WWP2: variants seen among roughly 807,000 people sequenced by gnomAD.
The protein encoded by WWP2 is NEDD4-like E3 ubiquitin-protein ligase WWP2.
A neutral mutation model predicts 121.0 loss-of-function variants in WWP2; 57 were observed. The observed-to-expected ratio is 0.47, with a 90% CI of 0.38 to 0.59. The LOEUF (loss-of-function observed/expected upper bound fraction) is 0.59. Ranked by LOEUF, WWP2 falls within the 20% of genes least tolerant of loss-of-function variation. The probability of loss-of-function intolerance (pLI) is 0.00; values close to 1 mark genes in which losing one functional copy is unlikely to be tolerated. For synonymous variants in WWP2, 449 were observed against 441.3 expected (o/e 1.02, Z -0.22); for missense variants, 962 against 1,158.9 (o/e 0.83, Z 2.47).
chr16:69,835,607 T>C (rs150489581), intron 4 of WWP2, among the ~76,000 whole-genome samples: 2 of 152,326 alleles, frequency 1.3e-5, no homozygotes, highest in African/African-American at 4.8e-5. Context: ...GTTTTATCTA[T>C]ATGTTATTAT....
At chr16:69,915,615 T>C (rs2058467949) in intron 9 of WWP2, among the ~76,000 whole-genome samples, 1 of 152,174 alleles carries the variant, frequency 6.6e-6, no homozygotes, top group Non-Finnish European at 1.5e-5. Context: ...TGTACACATA[T>C]ACTAGTAGAA....
At chr16:69,825,165 C>CT (rs1317783724) in intron 4 of WWP2, among the ~76,000 whole-genome samples, 1 of 152,034 alleles carries the variant, frequency 6.6e-6, no homozygotes, top group Non-Finnish European at 1.5e-5. Context: ...TGGCTCACAC[C>CT]TGTAATCCCA....
chr16:69,834,620 G>C (rs985875751), intron 4 of WWP2, among the ~76,000 whole-genome samples: 1 of 149,856 alleles, frequency 6.7e-6, no homozygotes, highest in Non-Finnish European at 1.5e-5. Context: ...TCTGTTTTCC[G>C]GGTTCAAGCG....
At chr16:69,852,048 A>G (rs879758200) in intron 6 of WWP2, among the ~76,000 whole-genome samples, 5 of 152,030 alleles carry the variant, frequency 3.3e-5, no homozygotes, top group Admixed American at 2.6e-4. Flanking sequence ...AAGGAACATG[A>G]TTGCTGGGTC....
chr16:69,794,773 A>G (rs1191155962), intron 2 of WWP2, among the ~76,000 whole-genome samples: 1 of 152,266 alleles, frequency 6.6e-6, no homozygotes, highest in Non-Finnish European at 1.5e-5. Context: ...GGATTATAAA[A>G]GAAAAAAACC....
chr16:69,777,155 A>G (rs912864362), intron 1 of WWP2, among the ~76,000 whole-genome samples: 2 of 151,736 alleles, frequency 1.3e-5, no homozygotes, highest in Non-Finnish European at 2.9e-5. Context: ...ATGTGTATAT[A>G]CAATACACAT....
chr16:69,835,591 A>G (rs907509386), intron 4 of WWP2, among the ~76,000 whole-genome samples: 1 of 152,172 alleles, frequency 6.6e-6, no homozygotes, highest in African/African-American at 2.4e-5. Context: ...TTTTTTTGCC[A>G]AATTTGTTTT....
chr16:69,821,847 C>T (rs753327675), intron 4 of WWP2, among the ~76,000 whole-genome samples: 1 of 151,510 alleles, frequency 6.6e-6, no homozygotes, highest in East Asian at 1.9e-4. Flanking sequence ...CGTGAGCCAC[C>T]ATGCCCGGCT....
Position 69,798,704 on chromosome 16 carries a change from G to A in WWP2, c.93G>A (p.Val31=), listed in dbSNP as rs1368037083. The A allele has an allele frequency of 6.2e-7, 1 of 1,613,998 alleles. No homozygotes were observed. Among genetic ancestry groups the A allele is most frequent in the Non-Finnish European group, 8.5e-7 (1 of 1,179,990 alleles). The change falls in exon 3 of 24, where the codon GTG becomes GTA. Residue 31 remains valine (V), a synonymous_variant. Coordinates refer to ENST00000359154, the MANE Select transcript of WWP2 (RefSeq NM_001270454.2). ...CAGTGGTGTCCGCAAAGCCCAAGGTGCATAATCGTCAACCTCGAATTAACT... is the reference window on the plus strand; with the variant it reads ...CAGTGGTGTCCGCAAAGCCCAAGGTACATAATCGTCAACCTCGAATTAACT... ...TLKVVSAKPK[V]HNRQPRINSY...
At chr16:69,921,385 GGGCTTCAAC>G (rs968074738) in intron 10 of WWP2, among the ~76,000 whole-genome samples, 1 of 152,174 alleles carries the variant, frequency 6.6e-6, no homozygotes, top group Non-Finnish European at 1.5e-5. Flanking sequence ...TCCTCTTGCT[GGGCTTCAAC>G]TGAGACCTTG....
chr16:69,856,140 T>C (rs1173928889), intron 6 of WWP2, among the ~76,000 whole-genome samples: 1 of 152,102 alleles, frequency 6.6e-6, no homozygotes, highest in Non-Finnish European at 1.5e-5. Flanking sequence ...GTCTGACAAA[T>C]AAAAAGTAAC....
chr16:69,846,276 A>C (rs1000039828), intron 6 of WWP2, among the ~76,000 whole-genome samples: 1 of 152,192 alleles, frequency 6.6e-6, no homozygotes, highest in Non-Finnish European at 1.5e-5. Context: ...GGTTATATCC[A>C]TATGGTGGAA....
rs910929000 is a variant in WWP2, at chr16:69,916,053, C to A, written c.1005-1656C>A. Among the ~76,000 whole-genome samples, 8 of 150,356 alleles carry A rather than the reference C, an allele frequency of 5.3e-5. No homozygotes were observed. The South Asian group carries it at 1.1e-3, about 20-fold the overall frequency. On this transcript the variant is annotated intron_variant, in intron 9 of 23. Transcript: ENST00000359154. ...GACCCTGTCAAAAAAAAAAAAAAAT[C>A]TTTGGTAACAAAAATAAATAAAAAT...
intron 4 of WWP2, among the ~76,000 whole-genome samples, chr16:69,833,206 A>C (rs748650942): frequency 1.3e-5 from 2 of 152,226 alleles, no homozygotes; most frequent in African/African-American, 2.4e-5. Flanking sequence ...CAAGATTGAT[A>C]TATCTTTTCA....
chr16:69,804,260 T>C (rs2056230532), intron 4 of WWP2, among the ~76,000 whole-genome samples: 1 of 152,224 alleles, frequency 6.6e-6, no homozygotes, highest in African/African-American at 2.4e-5. Context: ...TGAGATGAGG[T>C]AAATGGTCAC....
intron 6 of WWP2, among the ~76,000 whole-genome samples, chr16:69,861,810 G>C (rs1597071714): frequency 1.3e-5 from 2 of 151,906 alleles, no homozygotes; most frequent in African/African-American, 4.8e-5. Flanking sequence ...TTAAGTGCCT[G>C]TTTCTTTCTG....
At chr16:69,832,949 G>T (rs2056818187) in intron 4 of WWP2, among the ~76,000 whole-genome samples, 1 of 152,142 alleles carries the variant, frequency 6.6e-6, no homozygotes, top group Non-Finnish European at 1.5e-5. Context: ...TGACCTTCTG[G>T]GCTCAAGTGA....
intron 8 of WWP2, among the ~76,000 whole-genome samples, chr16:69,891,651 C>G (rs1370483626): frequency 6.6e-6 from 1 of 152,150 alleles, no homozygotes; most frequent in East Asian, 1.9e-4. Context: ...ACTCAGTTCT[C>G]CCCCTGGCTC....
At chr16:69,902,971 G>C (rs550447481) in intron 8 of WWP2, among the ~76,000 whole-genome samples, 1 of 152,288 alleles carries the variant, frequency 6.6e-6, no homozygotes, top group African/African-American at 2.4e-5. Flanking sequence ...ATGGATCAGG[G>C]AGGACCCGCA....
Sources: gnomAD v4.1 joint callset for allele counts (sites outside exome capture counted in the v4.1 genomes callset) on GRCh38, gnomAD v4.1.1 for gene constraint, MANE v1.5 for transcripts, NCBI Gene and HGNC (gene_info 2026-07-23, HGNC 2026-07-21) for gene names.